The following TNS3 variants were observed in gnomAD, a reference collection of about 807,000 sequenced individuals.
TNS3 encodes tensin 3.
A neutral mutation model predicts 140.9 loss-of-function variants in TNS3; 45 were observed. The observed-to-expected ratio is 0.32, with a 90% CI of 0.25 to 0.41. TNS3 has a LOEUF of 0.41. Among genes scored for constraint, TNS3 ranks in the 10% least tolerant of loss-of-function variants. TNS3 has a pLI of 1.00. For missense variants in TNS3, 1,716 were observed against 1,906.7 expected, an observed-to-expected ratio of 0.90 and a Z score of 1.86; for synonymous variants, 815 against 788.4, an observed-to-expected ratio of 1.03 and a Z score of -0.56.
intron 20 of TNS3, among the ~76,000 whole-genome samples, chr7:47,317,844 C>A (rs898792162): frequency 6.6e-6 from 1 of 152,138 alleles, no homozygotes; most frequent in Non-Finnish European, 1.5e-5. Flanking sequence ...GAGAGAGAGA[C>A]CCACCCGCTG....
intron 1 of TNS3, among the ~76,000 whole-genome samples, chr7:47,571,201 C>G (rs1241336485): frequency 6.6e-6 from 1 of 152,224 alleles, no homozygotes; most frequent in Non-Finnish European, 1.5e-5. Flanking sequence ...AACCTGGTTT[C>G]CACTGGAAAG....
chr7:47,351,296 T>C (rs1789656654), intron 17 of TNS3, among the ~76,000 whole-genome samples: 1 of 152,220 alleles, frequency 6.6e-6, no homozygotes, highest in Non-Finnish European at 1.5e-5. Flanking sequence ...TGAAAATTAA[T>C]GTGGGAGGTA....
At chr7:47,452,907 C>T (rs992423437) in intron 4 of TNS3, 4 of 985,340 alleles carry the variant, frequency 4.1e-6, no homozygotes, top group African/African-American at 3.5e-5. Context: ...AGCCGAGAGG[C>T]GGCACGTGGG....
intron 30 of TNS3, 111 bp downstream of exon 30, chr7:47,280,053 T>C (rs1785058386): frequency 8.0e-7 from 1 of 1,243,250 alleles, no homozygotes; most frequent in Non-Finnish European, 1.1e-6. Context: ...GAAATTGGCA[T>C]GGTGTAGTCA....
At chr7:47,560,928 A>G (rs943746260) in intron 1 of TNS3, among the ~76,000 whole-genome samples, 1 of 152,210 alleles carries the variant, frequency 6.6e-6, no homozygotes, top group African/African-American at 2.4e-5. Flanking sequence ...CCCATACACA[A>G]CTGCCAGACC....
intron 16 of TNS3, among the ~76,000 whole-genome samples, chr7:47,383,152 G>A (rs1255013973): frequency 6.6e-6 from 1 of 152,210 alleles, no homozygotes; most frequent in Non-Finnish European, 1.5e-5. Flanking sequence ...GACAAAAAGT[G>A]TTACGAGCCC....
rs777594709 is a variant in TNS3 at position 47,400,440 on chromosome 7, T to C, written c.872A>G (p.Tyr291Cys). The C allele has an allele frequency of 6.8e-6, 11 of 1,613,994 alleles. No individual in the cohort carries two copies. Among genetic ancestry groups the C allele is most frequent in the African/African-American group, 4.0e-5 (3 of 74,912 alleles). ...NASKDDRFPDYGKVELVFSAT... is the reference protein window; with the variant it reads ...NASKDDRFPDCGKVELVFSAT... ...AGAGAAGACTAATTCAACCTTCCCA[T>C]AGTCAGGAAAACGGTCATCTGAAAA... The change falls in exon 15 of 31, where the codon TAT becomes TGT. Residue 291 changes from tyrosine (Y) to cysteine (C), a missense_variant. By Grantham distance (194) the Tyr-to-Cys change is radical. Around this residue, in one of 3 missense-constraint regions of TNS3, gnomAD observed 337 missense variants for 428.9 expected, o/e 0.79. Coordinates refer to ENST00000311160, the MANE Select transcript of TNS3 (RefSeq NM_022748.12).
intron 4 of TNS3, among the ~76,000 whole-genome samples, chr7:47,444,052 G>A (rs1795600381): frequency 6.6e-6 from 1 of 152,238 alleles, no homozygotes; most frequent in African/African-American, 2.4e-5. Context: ...CATACAATCT[G>A]TACATGTAAC....
At chr7:47,298,033 G>A (rs567107263) in intron 23 of TNS3, among the ~76,000 whole-genome samples, 27 of 152,210 alleles carry the variant, frequency 1.8e-4, no homozygotes, top group African/African-American at 6.3e-4. Context: ...TGATCCACCC[G>A]CCTCAGCCTC....
intron 20 of TNS3, among the ~76,000 whole-genome samples, chr7:47,334,467 C>A (rs894351815): frequency 1.3e-5 from 2 of 152,134 alleles, no homozygotes; most frequent in Non-Finnish European, 1.5e-5. Flanking sequence ...TACCTAGGGG[C>A]GATGGTCTCA....
At chr7:47,439,785 C>A (rs1026887291) in intron 5 of TNS3, 127 bp from the exon 6 acceptor site, 3 of 951,822 alleles carry the variant, frequency 3.2e-6, no homozygotes, top group African/African-American at 3.3e-5. Context: ...GGGCGGCCAG[C>A]TACGGGAATT....
intron 2 of TNS3, 146 bp from the exon 3 acceptor site, chr7:47,507,090 A>C (rs934203658): frequency 1.9e-6 from 1 of 530,120 alleles, no homozygotes; most frequent in African/African-American, 2.0e-5. Context: ...AGATTTTTAC[A>C]TATGACACAC....
intron 16 of TNS3, among the ~76,000 whole-genome samples, chr7:47,383,420 A>G (rs1041337462): frequency 1.3e-5 from 2 of 152,218 alleles, no homozygotes; most frequent in Non-Finnish European, 2.9e-5. Context: ...ACTAATGAGT[A>G]CAGGGCTTCT....
intron 3 of TNS3, among the ~76,000 whole-genome samples, chr7:47,487,563 C>A (rs1797658547): frequency 6.6e-6 from 1 of 152,212 alleles, no homozygotes; most frequent in South Asian, 2.1e-4. Flanking sequence ...TCCACAAATG[C>A]ACACACACCA....
intron 4 of TNS3, chr7:47,453,286 C>CGGG: frequency 2.0e-6 from 2 of 982,308 alleles, no homozygotes; most frequent in Non-Finnish European, 2.4e-6. Context: ...CAGCGCTCTC[C>CGGG]GGGAGAGCCT....
At chr7:47,358,490 A>G (rs1289570076) in intron 17 of TNS3, among the ~76,000 whole-genome samples, 1 of 152,144 alleles carries the variant, frequency 6.6e-6, no homozygotes, top group Admixed American at 6.5e-5. Flanking sequence ...CTCAGTACGG[A>G]TACAAAAGCT....
chr7:47,375,665 T>A (rs1791337750), intron 16 of TNS3, among the ~76,000 whole-genome samples: 1 of 152,090 alleles, frequency 6.6e-6, no homozygotes. Flanking sequence ...ACCAAAAAAA[T>A]ATATGAAAAC....
intron 16 of TNS3, among the ~76,000 whole-genome samples, chr7:47,374,840 G>A (rs1791284841): frequency 6.6e-6 from 1 of 152,080 alleles, no homozygotes; most frequent in Non-Finnish European, 1.5e-5. Flanking sequence ...GACATGGGTT[G>A]TGGGTGGGGT....
chr7:47,424,186 T>C lies in TNS3; in HGVS notation c.390-2A>G. ...AACCTGTCAAGGGCCTGGTCGGCGC[T>C]GAAGGGGAGAGAGAGAGAAAGAGAG... On this transcript the variant is annotated splice_acceptor_variant, in intron 9 of 30. Coordinates refer to ENST00000311160, the MANE Select transcript of TNS3 (RefSeq NM_022748.12). LOFTEE classifies it high-confidence loss of function. 6.2e-7 allele frequency: 1 copy of C among 1,613,978 alleles called. No individual in the cohort carries two copies. The highest frequency in any genetic ancestry group is 8.5e-7 in the Non-Finnish European group (1 of 1,179,984).
Sources: allele counts gnomAD v4.1 joint callset (sites outside exome capture counted in the v4.1 genomes callset), GRCh38; gene constraint gnomAD v4.1.1; regional missense constraint gnomAD v4.1.1; transcripts MANE v1.5; gene names NCBI Gene and HGNC (gene_info 2026-07-23, HGNC 2026-07-21).